PPM1E: variants seen among roughly 807,000 people sequenced by gnomAD.
PPM1E encodes protein phosphatase, Mg2+/Mn2+ dependent 1E, also known as protein phosphatase 1E.
A neutral mutation model predicts 65.9 loss-of-function variants in PPM1E; 20 were observed. The ratio of observed to expected loss-of-function variants is 0.30; its 90% CI spans 0.21 to 0.44. PPM1E has a LOEUF of 0.44. Ranked by LOEUF, PPM1E falls within the 20% of genes least tolerant of loss-of-function variation. The pLI is 1.00. For synonymous variants in PPM1E, 352 were observed against 374.9 expected, an observed-to-expected ratio of 0.94 and a Z score of 0.70; for missense variants, 713 against 953.1, an observed-to-expected ratio of 0.75 and a Z score of 3.32.
At chr17:58,828,389 C>G (rs990403646) in intron 1 of PPM1E, among the ~76,000 whole-genome samples, 1 of 152,122 alleles carries the variant, frequency 6.6e-6, no homozygotes, top group African/African-American at 2.4e-5. Context: ...CTTTTTCTCT[C>G]TCTTCCTCTC....
At chr17:58,933,612 A>G (rs1348020894) in intron 1 of PPM1E, among the ~76,000 whole-genome samples, 1 of 152,044 alleles carries the variant, frequency 6.6e-6, no homozygotes, top group Non-Finnish European at 1.5e-5. Flanking sequence ...CCTGGCCAAC[A>G]TGGTGAAACT....
intron 1 of PPM1E, among the ~76,000 whole-genome samples, chr17:58,825,042 A>C (rs914032218): frequency 1.3e-5 from 2 of 151,922 alleles, no homozygotes; most frequent in African/African-American, 4.8e-5. Flanking sequence ...GAGTGGGGCG[A>C]GGGATAAAAG....
chr17:58,877,844 T>C (rs1448417696), intron 1 of PPM1E, among the ~76,000 whole-genome samples: 1 of 151,796 alleles, frequency 6.6e-6, no homozygotes, highest in Non-Finnish European at 1.5e-5. Flanking sequence ...GATTAATAGC[T>C]CACAAATGGA....
In PPM1E at chr17:58,755,972, C is replaced by T. The variant is rs1244950373; in HGVS notation, c.-26C>T. ...CCTGGGCTTCCCCCAACCCCTTTCC[C>T]GGTCTGCCCTGGGGCATGAGCAGCG... On this transcript the variant is annotated 5_prime_UTR_variant, in exon 1 of 7. Transcript: ENST00000308249. 1.4e-5 allele frequency: 22 copies of T among 1,613,442 alleles called. No individual in the cohort carries two copies. Among genetic ancestry groups the T allele is most frequent in the Non-Finnish European group, 1.8e-5 (21 of 1,179,678 alleles).
intron 1 of PPM1E, among the ~76,000 whole-genome samples, chr17:58,781,913 C>G (rs1466066644): frequency 6.6e-6 from 1 of 151,908 alleles, no homozygotes; most frequent in Non-Finnish European, 1.5e-5. Flanking sequence ...AAATAAAATG[C>G]AGTGATTTTT....
chr17:58,900,452 A>G (rs2051484628), intron 1 of PPM1E, among the ~76,000 whole-genome samples: 1 of 152,224 alleles, frequency 6.6e-6, no homozygotes, highest in Admixed American at 6.5e-5. Context: ...GGCTCAGATG[A>G]TTGTGAGCAT....
chr17:58,819,762 T>C (rs1225451723), intron 1 of PPM1E, among the ~76,000 whole-genome samples: 1 of 151,892 alleles, frequency 6.6e-6, no homozygotes, highest in Non-Finnish European at 1.5e-5. Context: ...TGGGGCCAGG[T>C]GCAGTGGCTC....
chr17:58,765,273 GT>G (rs1395909451), intron 1 of PPM1E, among the ~76,000 whole-genome samples: 1 of 150,482 alleles, frequency 6.6e-6, no homozygotes, highest in Non-Finnish European at 1.5e-5. Flanking sequence ...CAACTTCCTG[GT>G]TCAAGTGATT....
chr17:58,895,828 G>A (rs374895585), intron 1 of PPM1E, among the ~76,000 whole-genome samples: 39 of 149,018 alleles, frequency 2.6e-4, no homozygotes, highest in African/African-American at 7.9e-4. Flanking sequence ...AAAGGAGGCC[G>A]GGCGCAGTGG....
intron 1 of PPM1E, among the ~76,000 whole-genome samples, chr17:58,948,138 T>G (rs1369188237): frequency 6.6e-6 from 1 of 152,094 alleles, no homozygotes; most frequent in East Asian, 1.9e-4. Context: ...TTTGCTACAT[T>G]TTTTTCATCC....
intron 1 of PPM1E, among the ~76,000 whole-genome samples, chr17:58,809,480 A>C (rs1449765118): frequency 6.6e-6 from 1 of 152,046 alleles, no homozygotes; most frequent in South Asian, 2.1e-4. Context: ...CTTACCTCCC[A>C]GACTCAATCC....
intron 1 of PPM1E, among the ~76,000 whole-genome samples, chr17:58,876,900 C>T (rs1039815200): frequency 2.6e-5 from 4 of 152,114 alleles, no homozygotes; most frequent in Non-Finnish European, 5.9e-5. Context: ...TCTCCTGCCT[C>T]AGCCTCCCGA....
intron 1 of PPM1E, among the ~76,000 whole-genome samples, chr17:58,903,806 G>C (rs1260820002): frequency 6.6e-6 from 1 of 152,074 alleles, no homozygotes; most frequent in Non-Finnish European, 1.5e-5. Context: ...TTTACTTCTT[G>C]TTGTAAAAAA....
intron 1 of PPM1E, among the ~76,000 whole-genome samples, chr17:58,900,762 C>G (rs1005633674): frequency 6.6e-6 from 1 of 152,032 alleles, no homozygotes; most frequent in Admixed American, 6.6e-5. Context: ...TTACAAACAA[C>G]GTTGCAATGA....
At chr17:58,832,126 A>G (rs2050612311) in intron 1 of PPM1E, among the ~76,000 whole-genome samples, 1 of 152,204 alleles carries the variant, frequency 6.6e-6, no homozygotes. Context: ...AACCTTTCAT[A>G]GACTTAAAGA....
rs572410352 is a variant in PPM1E, at chr17:58,810,030, A to C, written c.464+53569A>C. Among the ~76,000 whole-genome samples the C allele has an allele frequency of 7.8e-4, 110 of 140,920 alleles. 1 individual carries two copies. The highest frequency in any genetic ancestry group is 1.4e-3 in the Non-Finnish European group (86 of 60,420). The allele number at this position is 140,920 out of a possible 152,430, so 92.4% of individuals were successfully genotyped here. On this transcript the variant is annotated intron_variant, in intron 1 of 6. Transcript: ENST00000308249. ...CATAATTATTAGTAAGATATTTTAC[A>C]GTCTTTTTTTGTACCAAATCTTTGA...
At chr17:58,863,243 C>T (rs1181836189) in intron 1 of PPM1E, among the ~76,000 whole-genome samples, 2 of 152,198 alleles carry the variant, frequency 1.3e-5, no homozygotes, top group Non-Finnish European at 2.9e-5. Context: ...GGCAGTGAAA[C>T]ACAAGAGTTC....
At chr17:58,972,432 C>A (rs2030696770) in intron 5 of PPM1E, among the ~76,000 whole-genome samples, 157 bp downstream of exon 5, 1 of 151,958 alleles carries the variant, frequency 6.6e-6, no homozygotes, top group Admixed American at 6.6e-5. Flanking sequence ...CTCACTGCAA[C>A]CTCCGCCTCC....
At chr17:58,841,543 C>T (rs1029027273) in intron 1 of PPM1E, among the ~76,000 whole-genome samples, 7 of 139,090 alleles carry the variant, frequency 5.0e-5, no homozygotes, top group African/African-American at 1.1e-4. Context: ...TTTTTTGAGG[C>T]GGAGTCTTGC....
Sources: allele counts gnomAD v4.1 joint callset (sites outside exome capture counted in the v4.1 genomes callset), GRCh38; gene constraint gnomAD v4.1.1; transcripts MANE v1.5; gene names NCBI Gene and HGNC (gene_info 2026-07-23, HGNC 2026-07-21).